The following MYRIP variants were observed in gnomAD, a reference collection of about 807,000 sequenced individuals.
MYRIP encodes myosin VIIA and Rab interacting protein, also known as rab effector MyRIP.
MYRIP carries 49 observed loss-of-function variants against 98.0 expected under a neutral mutation model. The ratio of observed to expected loss-of-function variants is 0.50; its 90% CI spans 0.40 to 0.63. MYRIP has a LOEUF of 0.63. MYRIP is among the 30% of genes least tolerant of loss of function. The probability of loss-of-function intolerance (pLI) is 0.00; values close to 1 mark genes in which losing one functional copy is unlikely to be tolerated. For missense variants in MYRIP, 1,004 were observed against 1,058.2 expected, an observed-to-expected ratio of 0.95 and a Z score of 0.71; for synonymous variants, 404 against 409.5, an observed-to-expected ratio of 0.99 and a Z score of 0.16.
intron 2 of MYRIP, among the ~76,000 whole-genome samples, chr3:40,040,845 G>C (rs1007749981): frequency 2.0e-5 from 1 of 49,654 alleles, no homozygotes; most frequent in East Asian, 4.8e-4. Flanking sequence ...GTCGGGGGAG[G>C]GGGGAGGGAT....
chr3:40,241,557 A>G (rs1953015453), intron 12 of MYRIP, among the ~76,000 whole-genome samples: 1 of 152,230 alleles, frequency 6.6e-6, no homozygotes, highest in Admixed American at 6.5e-5. Flanking sequence ...ATTGAGATAC[A>G]TATTAGTACA....
chr3:40,011,705 A>G (rs1946764441), intron 2 of MYRIP, among the ~76,000 whole-genome samples: 1 of 152,200 alleles, frequency 6.6e-6, no homozygotes, highest in Non-Finnish European at 1.5e-5. Flanking sequence ...AATTTGACAG[A>G]TAGATTTAGA....
chr3:40,108,057 G>T (rs761619492), intron 3 of MYRIP, among the ~76,000 whole-genome samples: 2 of 152,174 alleles, frequency 1.3e-5, no homozygotes, highest in Admixed American at 6.5e-5. Flanking sequence ...TTTGTGTGGT[G>T]ATCCAAGTGG....
At chr3:39,817,383 A>G (rs1489875015) in intron 1 of MYRIP, among the ~76,000 whole-genome samples, 1 of 152,194 alleles carries the variant, frequency 6.6e-6, no homozygotes, top group Non-Finnish European at 1.5e-5. Flanking sequence ...TCAAATGCTC[A>G]TTGAAGGATG....
At chr3:40,063,547 A>G (rs773129260) in intron 3 of MYRIP, among the ~76,000 whole-genome samples, 1 of 152,200 alleles carries the variant, frequency 6.6e-6, no homozygotes, top group African/African-American at 2.4e-5. Flanking sequence ...GGTTTGTTCA[A>G]ATTTTCACTT....
chr3:39,876,469 G>C (rs925487242), intron 1 of MYRIP, among the ~76,000 whole-genome samples: 1 of 152,166 alleles, frequency 6.6e-6, no homozygotes, highest in Non-Finnish European at 1.5e-5. Context: ...TGATTTTGCA[G>C]TGGTTGGTAC....
chr3:39,886,456 G>C (rs1358114335), intron 1 of MYRIP, among the ~76,000 whole-genome samples: 6 of 148,822 alleles, frequency 4.0e-5, no homozygotes, highest in Non-Finnish European at 9.0e-5. Flanking sequence ...CTCACGTGCA[G>C]AGACACACAT....
At chr3:40,154,112 C>A (rs1950170946) in intron 4 of MYRIP, among the ~76,000 whole-genome samples, 1 of 151,302 alleles carries the variant, frequency 6.6e-6, no homozygotes, top group South Asian at 2.1e-4. Flanking sequence ...TGCACTCCAG[C>A]CTGGCAATAG....
intron 2 of MYRIP, among the ~76,000 whole-genome samples, chr3:39,948,444 A>G (rs1944944743): frequency 6.6e-6 from 1 of 152,228 alleles, no homozygotes; most frequent in South Asian, 2.1e-4. Flanking sequence ...TTGCTGAGTT[A>G]AAGAAGTCAG....
At chr3:40,025,081 C>G (rs1340796282) in intron 2 of MYRIP, among the ~76,000 whole-genome samples, 3 of 152,122 alleles carry the variant, frequency 2.0e-5, no homozygotes, top group Non-Finnish European at 4.4e-5. Flanking sequence ...AGAGCTGGAG[C>G]CCTCAGTCTC....
chr3:40,044,267 G>A lies in MYRIP; in HGVS notation c.328G>A (p.Ala110Thr). Residue 110 changes from alanine (A) to threonine (T), a missense_variant, in exon 3 of 17, where the codon GCG becomes ACG. Transcript: ENST00000302541. ...KAWVCCVCQQARLLRAQSLEW... is the reference protein window; with the variant it reads ...KAWVCCVCQQTRLLRAQSLEW... ...CTGGGTCTGCTGCGTCTGCCAGCAAGCGAGGTGAGTGGCTGGTGCATTCCC... is the reference window on the plus strand; with the variant it reads ...CTGGGTCTGCTGCGTCTGCCAGCAAACGAGGTGAGTGGCTGGTGCATTCCC... The A allele has an allele frequency of 6.2e-7, 1 of 1,614,094 alleles. No individual in the cohort carries two copies.
intron 5 of MYRIP, 132 bp downstream of exon 5, chr3:40,162,942 T>C: frequency 1.4e-6 from 1 of 729,592 alleles, no homozygotes; most frequent in African/African-American, 1.8e-5. Flanking sequence ...TGTGTGAGTC[T>C]CCCTGGGTCA....
intron 2 of MYRIP, among the ~76,000 whole-genome samples, chr3:40,030,521 G>A (rs910357471): frequency 6.6e-6 from 1 of 151,998 alleles, no homozygotes; most frequent in African/African-American, 2.4e-5. Context: ...ACAAAAACAT[G>A]TACATGAATG....
chr3:39,918,924 G>T (rs541238246), intron 2 of MYRIP, among the ~76,000 whole-genome samples: 3 of 152,168 alleles, frequency 2.0e-5, no homozygotes, highest in Non-Finnish European at 4.4e-5. Flanking sequence ...CTTTTAAAGT[G>T]TCAGACTCTC....
rs553823547 is a variant in MYRIP, at chr3:40,020,096, T to C, written c.111-23954T>C. ...ATACAGATAATCCCCATCACTCAGA[T>C]AGTGAGCATAGTACCCATAGATAGT... On this transcript the variant is annotated intron_variant, in intron 2 of 16. Coordinates refer to ENST00000302541, the MANE Select transcript of MYRIP (RefSeq NM_015460.4). Among the ~76,000 whole-genome samples the C allele has an allele frequency of 3.2e-4, 48 of 152,292 alleles. 3 individuals are homozygous for C. The South Asian group carries it at 8.9e-3, about 28-fold the overall frequency.
At chr3:40,228,171 C>A (rs575947330) in intron 11 of MYRIP, among the ~76,000 whole-genome samples, 1 of 152,288 alleles carries the variant, frequency 6.6e-6, no homozygotes, top group South Asian at 2.1e-4. Context: ...GAGGGACAGG[C>A]CTCACCAGGC....
Position 40,044,308 on chromosome 3 carries a change from G to C in MYRIP, c.332+37G>C, listed in dbSNP as rs111441535. The C allele has an allele frequency of 1.6e-4, 251 of 1,581,014 alleles. No homozygotes were observed. In the African/African-American group the frequency reaches 1.8e-3, roughly 11 times the overall value. Reference sequence around the variant, plus strand: ...GTGCATTCCCAGGGTCTACACTGTTGATTTAGAGAGATTCACCTGCCACTT... The same window carrying C: ...GTGCATTCCCAGGGTCTACACTGTTCATTTAGAGAGATTCACCTGCCACTT... On this transcript the variant is annotated intron_variant, in intron 3 of 16. Transcript: ENST00000302541.
At chr3:39,919,151 C>G (rs1237878962) in intron 2 of MYRIP, among the ~76,000 whole-genome samples, 1 of 152,156 alleles carries the variant, frequency 6.6e-6, no homozygotes, top group African/African-American at 2.4e-5. Context: ...AGAAATGTAC[C>G]TGGAGTAGGG....
rs1379222918 is a variant in MYRIP, at chr3:40,156,209, ATGGCTAGCCAGTTTTCCC to A, written c.469+5026_469+5043del. 3.6e-4 allele frequency among the ~76,000 whole-genome samples: 54 copies of A among 151,876 alleles called. No homozygotes were observed. In the South Asian group the frequency reaches 0.01, roughly 29 times the overall value. On this transcript the variant is annotated intron_variant, in intron 4 of 16. Coordinates refer to ENST00000302541, the MANE Select transcript of MYRIP (RefSeq NM_015460.4). The stretch of plus-strand genomic sequence containing the variant: ...GGGATCCAGTTTCAGCTTTCTACAT[ATGGCTAGCCAGTTTTCCC>A]AGCACCATTTATTAAATAGGGAATC...
Sources: gnomAD v4.1 joint callset for allele counts (sites outside exome capture counted in the v4.1 genomes callset) on GRCh38, gnomAD v4.1.1 for gene constraint, MANE v1.5 for transcripts, NCBI Gene and HGNC (gene_info 2026-07-23, HGNC 2026-07-21) for gene names.